CDH18: variants seen among roughly 807,000 people sequenced by gnomAD.
The protein encoded by CDH18 is cadherin 18, also known as cadherin-18.
A neutral mutation model predicts 67.9 loss-of-function variants in CDH18; 31 were observed. The observed-to-expected ratio is 0.46, with a 90% CI of 0.34 to 0.62. CDH18 has a LOEUF of 0.62. Among genes scored for constraint, CDH18 ranks in the 20% least tolerant of loss-of-function variants. The probability of loss-of-function intolerance (pLI) is 0.01; values close to 1 mark genes in which losing one functional copy is unlikely to be tolerated. For missense variants in CDH18, 890 were observed against 975.5 expected, an observed-to-expected ratio of 0.91 and a Z score of 1.17; for synonymous variants, 362 against 347.2, an observed-to-expected ratio of 1.04 and a Z score of -0.48.
intron 2 of CDH18, among the ~76,000 whole-genome samples, chr5:20,033,760 A>G (rs1329302745): frequency 6.6e-6 from 1 of 152,062 alleles, no homozygotes; most frequent in African/African-American, 2.4e-5. Context: ...AATCTAGTCC[A>G]TTAACATTAC....
chr5:19,565,455 C>T (rs1580239328), intron 8 of CDH18, among the ~76,000 whole-genome samples: 2 of 152,200 alleles, frequency 1.3e-5, no homozygotes, highest in Non-Finnish European at 2.9e-5. Flanking sequence ...TACAGCAGTA[C>T]CTCCACAAGT....
chr5:20,004,242 C>G (rs1416752810), intron 2 of CDH18, among the ~76,000 whole-genome samples: 5 of 152,178 alleles, frequency 3.3e-5, no homozygotes, highest in Admixed American at 2.0e-4. Context: ...AAGGCTCCAG[C>G]AACAGCGCCC....
intron 1 of CDH18, among the ~76,000 whole-genome samples, chr5:20,430,697 G>A (rs1748669460): frequency 6.6e-6 from 1 of 152,124 alleles, no homozygotes; most frequent in African/African-American, 2.4e-5. Context: ...CAGATGGTGA[G>A]CCAGAAGTGC....
intron 2 of CDH18, among the ~76,000 whole-genome samples, chr5:19,964,662 G>GA (rs1020815257): frequency 5.7e-4 from 80 of 141,210 alleles, no homozygotes; most frequent in African/African-American, 2.0e-3. Flanking sequence ...AAAAAAAAAA[G>GA]AAAAAAAAAG....
At chr5:20,273,458 T>C (rs1745583851) in intron 1 of CDH18, among the ~76,000 whole-genome samples, 1 of 151,900 alleles carries the variant, frequency 6.6e-6, no homozygotes, top group Admixed American at 6.6e-5. Context: ...TTCAGAAAAA[T>C]ATTAAAATGA....
At chr5:20,127,085 TGGA>T (rs1273517216) in intron 2 of CDH18, among the ~76,000 whole-genome samples, 1 of 152,160 alleles carries the variant, frequency 6.6e-6, no homozygotes, top group Non-Finnish European at 1.5e-5. Flanking sequence ...ATCCCCAATG[TGGA>T]GAAGGACCTG....
intron 11 of CDH18, among the ~76,000 whole-genome samples, chr5:19,484,538 C>T (rs1407512403): frequency 6.6e-6 from 1 of 152,194 alleles, no homozygotes; most frequent in Non-Finnish European, 1.5e-5. Flanking sequence ...CTGTTCAGAT[C>T]CCTTCATAAA....
chr5:20,403,302 TCA>T (rs1184606968), intron 1 of CDH18, among the ~76,000 whole-genome samples: 2 of 152,166 alleles, frequency 1.3e-5, no homozygotes, highest in African/African-American at 4.8e-5. Context: ...TAGTGTAGGT[TCA>T]GAGTGTGCAT....
At chr5:19,791,583 C>T (rs996659510) in intron 3 of CDH18, among the ~76,000 whole-genome samples, 9 of 152,222 alleles carry the variant, frequency 5.9e-5, no homozygotes, top group Admixed American at 2.6e-4. Context: ...CACTCATGCT[C>T]GCTGAGTGGA....
At chr5:19,783,799 A>G (rs1051223047) in intron 3 of CDH18, among the ~76,000 whole-genome samples, 1 of 152,178 alleles carries the variant, frequency 6.6e-6, no homozygotes, top group Non-Finnish European at 1.5e-5. Flanking sequence ...TTTATATTCT[A>G]TAAGACAAGA....
intron 12 of CDH18, among the ~76,000 whole-genome samples, chr5:19,476,231 A>G (rs1398809693): frequency 6.6e-6 from 1 of 152,018 alleles, no homozygotes; most frequent in Non-Finnish European, 1.5e-5. Flanking sequence ...TAGCATTGGG[A>G]AGGTAATGAG....
chr5:20,153,901 G>A (rs1324201987), intron 2 of CDH18, among the ~76,000 whole-genome samples: 1 of 152,154 alleles, frequency 6.6e-6, no homozygotes, highest in Admixed American at 6.5e-5. Flanking sequence ...GGAATTGGTG[G>A]TAGGAGGAAA....
At chr5:20,097,415 C>T (rs528591770) in intron 2 of CDH18, among the ~76,000 whole-genome samples, 3 of 152,006 alleles carry the variant, frequency 2.0e-5, no homozygotes, top group Non-Finnish European at 4.4e-5. Context: ...GGGGAATTGC[C>T]CTTTATAAAA....
At chr5:20,456,691 T>C (rs975676798) in intron 1 of CDH18, among the ~76,000 whole-genome samples, 6 of 126,076 alleles carry the variant, frequency 4.8e-5, no homozygotes, top group Non-Finnish European at 9.4e-5. Context: ...AATATTTAAG[T>C]GGACTAATTT....
intron 2 of CDH18, among the ~76,000 whole-genome samples, chr5:20,253,461 C>T (rs1393135083): frequency 6.6e-6 from 1 of 152,130 alleles, no homozygotes; most frequent in African/African-American, 2.4e-5. Flanking sequence ...GCTAAGGAAA[C>T]TCATCGAGAT....
chr5:20,200,310 T>C (rs897522754), intron 2 of CDH18, among the ~76,000 whole-genome samples: 2 of 152,168 alleles, frequency 1.3e-5, no homozygotes, highest in Admixed American at 6.6e-5. Context: ...CTGGGTCTTT[T>C]GCTTACAAAC....
intron 11 of CDH18, among the ~76,000 whole-genome samples, chr5:19,486,159 A>C (rs1352826568): frequency 6.6e-6 from 1 of 152,100 alleles, no homozygotes; most frequent in African/African-American, 2.4e-5. Flanking sequence ...CAGAATAATG[A>C]ACTCTTGACA....
At chr5:20,215,678 T>C (rs1279870296) in intron 2 of CDH18, among the ~76,000 whole-genome samples, 2 of 152,000 alleles carry the variant, frequency 1.3e-5, no homozygotes, top group Non-Finnish European at 2.9e-5. Context: ...TGCACATGTA[T>C]GTTTATTGAA....
At chr5:19,910,260 A>T (rs897923870) in intron 2 of CDH18, among the ~76,000 whole-genome samples, 1 of 152,160 alleles carries the variant, frequency 6.6e-6, no homozygotes, top group African/African-American at 2.4e-5. Flanking sequence ...AGCCCAAATT[A>T]GTCAGCAACA....
Sources: allele counts gnomAD v4.1 joint callset (sites outside exome capture counted in the v4.1 genomes callset), GRCh38; gene constraint gnomAD v4.1.1; transcripts MANE v1.5; gene names NCBI Gene and HGNC (gene_info 2026-07-23, HGNC 2026-07-21).